Variants in LAMA2 observed in about 807,000 individuals in gnomAD.
LAMA2 encodes the protein laminin subunit alpha-2.
A neutral mutation model predicts 364.8 loss-of-function variants in LAMA2; 269 were observed. That is an observed-to-expected ratio of 0.74 (90% CI 0.67 to 0.82). LAMA2 has a LOEUF of 0.82. Ranked by LOEUF, LAMA2 falls within the 40% of genes least tolerant of loss-of-function variation. The pLI, the probability that LAMA2 is intolerant of heterozygous loss-of-function variation, is 0.00. For synonymous variants in LAMA2, 1,379 were observed against 1,370.6 expected (o/e 1.01, Z -0.14); for missense variants, 3,807 against 3,873.2 (o/e 0.98, Z 0.45).
rs746372774 is a variant in LAMA2 at position 128,883,304 on chromosome 6, T to C, written c.59T>C (p.Val20Ala). 16 of 1,593,780 alleles carry C rather than the reference T, an allele frequency of 1.0e-5. No homozygotes were observed. The highest frequency in any genetic ancestry group is 1.4e-5 in the Non-Finnish European group (16 of 1,170,458). ...LLLLSGGLGG[V>A]QAQRPQQQRQ... ...CTGCTCTCCGGAGGCCTCGGGGGCG[T>C]ACAGGCGCAGCGGCCGCAGCAGCAG... The change falls in exon 1 of 65, where the codon GTA becomes GCA. Residue 20 changes from valine (V) to alanine (A), a missense_variant. Physicochemically the swap from Val to Ala is moderately conservative, Grantham distance 64. Coordinates refer to ENST00000421865, the MANE Select transcript of LAMA2 (RefSeq NM_000426.4).
chr6:129,058,094 A>T (rs1788611460), intron 2 of LAMA2, among the ~76,000 whole-genome samples: 1 of 152,220 alleles, frequency 6.6e-6, no homozygotes, highest in Non-Finnish European at 1.5e-5. Context: ...AAGTGCCCTT[A>T]CTGCAGCCTT....
At chr6:129,290,944 T>C (rs943950823) in intron 19 of LAMA2, among the ~76,000 whole-genome samples, 5 of 152,206 alleles carry the variant, frequency 3.3e-5, no homozygotes, top group Non-Finnish European at 7.3e-5. Flanking sequence ...ATGTTTTTGT[T>C]GTCTTTTAAA....
At position 129,505,052 on chromosome 6, in the gene LAMA2, C is replaced by A. The variant is rs1033036772; in HGVS notation, c.8548-148C>A. On this transcript the variant is annotated intron_variant, in intron 60 of 64. Transcript: ENST00000421865. Reference sequence around the variant, plus strand: ...TATTCTGTAAAATGGGTTTAACTTTCCCATATATAATGGGCTTAGCGCATA... The same window carrying A: ...TATTCTGTAAAATGGGTTTAACTTTACCATATATAATGGGCTTAGCGCATA... The A allele has an allele frequency of 1.9e-5, 13 of 701,018 alleles. No homozygotes were observed. The African/African-American group carries it at 2.0e-4, about 11-fold the overall frequency. 43.4% of individuals were successfully genotyped at this position (701,018 alleles called of 1,614,324 possible). A position where few individuals can be genotyped will look rare whatever the true frequency, so the allele number is the denominator to read the frequency against.
intron 12 of LAMA2, among the ~76,000 whole-genome samples, chr6:129,244,702 A>G (rs1785627251): frequency 6.6e-6 from 1 of 151,928 alleles, no homozygotes; most frequent in East Asian, 1.9e-4. Flanking sequence ...TCATTCCTCA[A>G]TTCATATTTC....
chr6:128,973,772 C>T (rs1404362106), intron 1 of LAMA2, among the ~76,000 whole-genome samples: 1 of 152,096 alleles, frequency 6.6e-6, no homozygotes, highest in African/African-American at 2.4e-5. Context: ...ATCACAGAGA[C>T]AAGGGACCAT....
At chr6:129,146,318 A>T (rs1778427514) in intron 5 of LAMA2, among the ~76,000 whole-genome samples, 1 of 152,028 alleles carries the variant, frequency 6.6e-6, no homozygotes, top group African/African-American at 2.4e-5. Context: ...ATCCTTAAAA[A>T]ATAGCTGGGT....
chr6:129,322,215 G>C (rs1369774418), intron 28 of LAMA2, among the ~76,000 whole-genome samples: 1 of 152,176 alleles, frequency 6.6e-6, no homozygotes, highest in African/African-American at 2.4e-5. Flanking sequence ...AAATAATCAA[G>C]TAATCCATCT....
At chr6:129,180,931 C>A (rs1270946962) in intron 10 of LAMA2, among the ~76,000 whole-genome samples, 1 of 151,876 alleles carries the variant, frequency 6.6e-6, no homozygotes, top group Non-Finnish European at 1.5e-5. Flanking sequence ...GGATTTGGAC[C>A]CACAGACGGA....
At chr6:129,470,667 A>C (rs1783767715) in intron 51 of LAMA2, among the ~76,000 whole-genome samples, 1 of 151,914 alleles carries the variant, frequency 6.6e-6, no homozygotes. Context: ...AAAGTTTAAA[A>C]GAACTCCACT....
chr6:129,057,086 A>G (rs1383493091), intron 2 of LAMA2, among the ~76,000 whole-genome samples: 3 of 152,156 alleles, frequency 2.0e-5, no homozygotes, highest in Admixed American at 2.0e-4. Context: ...ACTTTCTATC[A>G]GATTCCTATT....
At chr6:129,398,877 G>T (rs944638586) in intron 37 of LAMA2, among the ~76,000 whole-genome samples, 2 of 152,194 alleles carry the variant, frequency 1.3e-5, no homozygotes, top group African/African-American at 2.4e-5. Flanking sequence ...TTACAGTGCA[G>T]GAGACAGTCA....
At chr6:129,389,704 G>T (rs780771895) in intron 35 of LAMA2, among the ~76,000 whole-genome samples, 1 of 152,192 alleles carries the variant, frequency 6.6e-6, no homozygotes, top group Admixed American at 6.5e-5. Context: ...CAAAGGGAAA[G>T]CAAGGACCTT....
intron 1 of LAMA2, among the ~76,000 whole-genome samples, chr6:128,979,885 A>G (rs1377355772): frequency 6.6e-6 from 1 of 152,256 alleles, no homozygotes; most frequent in Admixed American, 6.5e-5. Flanking sequence ...ATTCATTTAT[A>G]AAGTTCTTGT....
At chr6:129,117,190 C>T (rs527578116) in intron 4 of LAMA2, among the ~76,000 whole-genome samples, 1 of 152,066 alleles carries the variant, frequency 6.6e-6, no homozygotes, top group Non-Finnish European at 1.5e-5. Context: ...GCAATGAATT[C>T]TCAGAGCAAA....
At chr6:129,155,335 G>A (rs567745776) in intron 8 of LAMA2, among the ~76,000 whole-genome samples, 1 of 152,180 alleles carries the variant, frequency 6.6e-6, no homozygotes, top group East Asian at 1.9e-4. Context: ...TAGTAATAAT[G>A]TATAAAATGT....
In LAMA2 at chr6:129,062,622, C is replaced by T. The variant is rs76435658; in HGVS notation, c.396+2726C>T. Among the ~76,000 whole-genome samples, 870 of 152,072 alleles carry T rather than the reference C, an allele frequency of 5.7e-3. 6 individuals are homozygous for T. Among genetic ancestry groups the T allele is most frequent in the African/African-American group, 0.019 (801 of 41,472 alleles). ...CAAAGCTTCTGTCTTTTCTACCTAC[C>T]GCATGAAGGATTAATAGGTTATTCA... is the stretch of plus-strand genomic sequence containing the variant. On this transcript the variant is annotated intron_variant, in intron 3 of 64. Transcript: ENST00000421865.
intron 30 of LAMA2, among the ~76,000 whole-genome samples, chr6:129,344,032 A>T (rs1273510989): frequency 6.6e-6 from 1 of 152,204 alleles, no homozygotes; most frequent in Non-Finnish European, 1.5e-5. Context: ...TAAAGACCAT[A>T]TTGTAGAAAT....
chr6:129,148,465 A>G (rs1224467225), intron 6 of LAMA2, among the ~76,000 whole-genome samples: 2 of 152,062 alleles, frequency 1.3e-5, no homozygotes, highest in African/African-American at 4.8e-5. Flanking sequence ...AAAGTCCACA[A>G]GACAGGCTTG....
At position 128,960,852 on chromosome 6, in the gene LAMA2, C is replaced by T. The variant is rs192030568; in HGVS notation, c.112+77495C>T. On this transcript the variant is annotated intron_variant, in intron 1 of 64. Coordinates refer to ENST00000421865, the MANE Select transcript of LAMA2 (RefSeq NM_000426.4). Reference sequence around the variant, plus strand: ...CATGCCATATGTTTTGCTAGTTCTCCGAGAATATTGACTCATTTTTGAAGT... The same window carrying T: ...CATGCCATATGTTTTGCTAGTTCTCTGAGAATATTGACTCATTTTTGAAGT... 3.3e-5 allele frequency among the ~76,000 whole-genome samples: 5 copies of T among 151,912 alleles called. No homozygotes were observed. The South Asian group carries it at 6.3e-4, about 19-fold the overall frequency.
Sources: gnomAD v4.1 joint callset for allele counts (sites outside exome capture counted in the v4.1 genomes callset) on GRCh38, gnomAD v4.1.1 for gene constraint, MANE v1.5 for transcripts, NCBI Gene and HGNC (gene_info 2026-07-23, HGNC 2026-07-21) for gene names.